Variants in FAM20A observed in about 807,000 individuals in gnomAD.
FAM20A encodes the protein FAM20A golgi associated secretory pathway pseudokinase, also known as pseudokinase FAM20A.
A neutral mutation model predicts 52.0 loss-of-function variants in FAM20A; 42 were observed. That is an observed-to-expected ratio of 0.81 (90% CI 0.63 to 1.04). The LOEUF is 1.04. FAM20A is among the 50% of genes least tolerant of loss of function. The pLI is 0.00. For synonymous variants in FAM20A, 304 were observed against 298.9 expected, an observed-to-expected ratio of 1.02 and a Z score of -0.18; for missense variants, 742 against 712.7, an observed-to-expected ratio of 1.04 and a Z score of -0.47.
chr17:68,572,904 G>A (rs1291132531), intron 1 of FAM20A, among the ~76,000 whole-genome samples: 2 of 152,078 alleles, frequency 1.3e-5, no homozygotes, highest in Non-Finnish European at 2.9e-5. Context: ...TCCAAACAAA[G>A]CTCTGAGGCA....
intron 1 of FAM20A, among the ~76,000 whole-genome samples, chr17:68,590,544 G>C (rs2088275607): frequency 6.6e-6 from 1 of 152,180 alleles, no homozygotes; most frequent in Non-Finnish European, 1.5e-5. Context: ...AAAGACCAAA[G>C]TCGCTTTAAA....
intron 1 of FAM20A, among the ~76,000 whole-genome samples, chr17:68,576,625 A>G (rs939479156): frequency 6.6e-6 from 1 of 152,116 alleles, no homozygotes; most frequent in Non-Finnish European, 1.5e-5. Flanking sequence ...CTCGCTGTAG[A>G]CACCTTTCAG....
intron 1 of FAM20A, among the ~76,000 whole-genome samples, chr17:68,563,310 C>CG (rs2087273289): frequency 1.3e-5 from 2 of 149,266 alleles, no homozygotes; most frequent in African/African-American, 4.9e-5. Context: ...TGCTTGAACT[C>CG]GGGAGGCGGG....
chr17:68,565,717 C>T (rs2087359092), intron 1 of FAM20A, among the ~76,000 whole-genome samples: 1 of 151,966 alleles, frequency 6.6e-6, no homozygotes, highest in Non-Finnish European at 1.5e-5. Context: ...TAATTTTCCC[C>T]TTTTTTTCTG....
At chr17:68,581,391 T>TTTC (rs1568774153) in intron 1 of FAM20A, among the ~76,000 whole-genome samples, 1 of 147,122 alleles carries the variant, frequency 6.8e-6, no homozygotes, top group Non-Finnish European at 1.5e-5. Context: ...TCTTTCTTTC[T>TTTC]TTCTTTCTTT....
chr17:68,571,452 CA>C (rs1413597765), intron 1 of FAM20A, among the ~76,000 whole-genome samples: 1 of 152,194 alleles, frequency 6.6e-6, no homozygotes, highest in African/African-American at 2.4e-5. Context: ...ATCCCTTGGA[CA>C]CAGGAATTGC....
At chr17:68,597,170 G>A (rs2088475840) in intron 1 of FAM20A, among the ~76,000 whole-genome samples, 1 of 151,406 alleles carries the variant, frequency 6.6e-6, no homozygotes, top group Non-Finnish European at 1.5e-5. Context: ...AATTGTGGAA[G>A]GATACTTTCT....
intron 1 of FAM20A, among the ~76,000 whole-genome samples, chr17:68,599,302 C>T (rs1483790788): frequency 1.3e-5 from 2 of 152,124 alleles, no homozygotes; most frequent in African/African-American, 4.8e-5. Context: ...CGATAGTGAA[C>T]TCTGCATGTG....
At chr17:68,559,118 A>G (rs1476328248) in intron 1 of FAM20A, among the ~76,000 whole-genome samples, 1 of 152,244 alleles carries the variant, frequency 6.6e-6, no homozygotes, top group East Asian at 1.9e-4. Context: ...TCTGACCTAT[A>G]GGACAAATGG....
intron 1 of FAM20A, among the ~76,000 whole-genome samples, chr17:68,592,113 A>G (rs2088330149): frequency 6.6e-6 from 1 of 150,892 alleles, no homozygotes; most frequent in African/African-American, 2.4e-5. Flanking sequence ...GACCCCAATT[A>G]CAAAACTTCT....
At chr17:68,552,480 G>T (rs949798491) in intron 3 of FAM20A, among the ~76,000 whole-genome samples, 7 of 152,040 alleles carry the variant, frequency 4.6e-5, no homozygotes, top group Non-Finnish European at 1.0e-4. Context: ...GCAAGTGAGT[G>T]CTTCTTAGGT....
At chr17:68,553,852 A>G (rs1024920572) in intron 3 of FAM20A, among the ~76,000 whole-genome samples, 5 of 149,622 alleles carry the variant, frequency 3.3e-5, no homozygotes, top group Non-Finnish European at 5.9e-5. Flanking sequence ...ACATTTATGC[A>G]TATATACATA....
At chr17:68,552,295 TGAA>T (rs1334057546) in intron 3 of FAM20A, among the ~76,000 whole-genome samples, 1 of 152,054 alleles carries the variant, frequency 6.6e-6, no homozygotes, top group Non-Finnish European at 1.5e-5. Flanking sequence ...AAAAATACAA[TGAA>T]GACATTTACT....
chr17:68,576,554 A>G (rs1179128449), intron 1 of FAM20A, among the ~76,000 whole-genome samples: 1 of 152,136 alleles, frequency 6.6e-6, no homozygotes, highest in Non-Finnish European at 1.5e-5. Context: ...CCTCCTCCCC[A>G]GGGAGAGAGA....
At chr17:68,552,376 T>C (rs1252732554) in intron 3 of FAM20A, among the ~76,000 whole-genome samples, 2 of 152,222 alleles carry the variant, frequency 1.3e-5, no homozygotes, top group Non-Finnish European at 2.9e-5. Flanking sequence ...ACTACATCTT[T>C]GTAGATTCTA....
chr17:68,540,687 T>C, intron 8 of FAM20A, 162 bp downstream of exon 8: 1 of 872,862 alleles, frequency 1.1e-6, no homozygotes. Flanking sequence ...GGGAGCCTGT[T>C]ACCTTCTGTC....
Position 68,535,197 on chromosome 17 carries a change from C to T in FAM20A, c.*2280G>A, listed in dbSNP as rs775081159. ...TGGAAGAACTCGAGTAAGAATGAAA[C>T]GGTTGGTTTTCTGATATTTTTGAGA... On this transcript the variant is annotated 3_prime_UTR_variant, in exon 11 of 11. Transcript: ENST00000592554. The T allele has an allele frequency of 1.3e-5, 6 of 444,588 alleles. No homozygotes were observed. The highest frequency in any genetic ancestry group is 2.4e-5 in the Admixed American group (1 of 41,912). The allele number at this position is 444,588 out of a possible 1,614,324, so 27.5% of individuals were successfully genotyped here.
At chr17:68,565,130 A>G (rs565867966) in intron 1 of FAM20A, among the ~76,000 whole-genome samples, 2 of 151,406 alleles carry the variant, frequency 1.3e-5, no homozygotes, top group East Asian at 3.9e-4. Flanking sequence ...TTGGGGATTG[A>G]GGTCAGGCCC....
In FAM20A at chr17:68,540,755, T is replaced by G; in HGVS notation, c.1219+94A>C. The G allele has an allele frequency of 2.0e-6, 3 of 1,476,604 alleles. No individual in the cohort carries two copies. The South Asian group carries it at 3.7e-5, about 18-fold the overall frequency. The allele number at this position is 1,476,604 out of a possible 1,614,324, so 91.5% of individuals were successfully genotyped here. A position where few individuals can be genotyped will look rare whatever the true frequency, so the allele number is the denominator to read the frequency against. The stretch of plus-strand genomic sequence containing the variant: ...GAGGTGCAGAGTTACTCAGTCCTCA[T>G]GAACCAGGTTGTAAGTTTGTGCTCA... On this transcript the variant is annotated intron_variant, in intron 8 of 10. Transcript: ENST00000592554.
Sources: allele counts gnomAD v4.1 joint callset (sites outside exome capture counted in the v4.1 genomes callset), GRCh38; gene constraint gnomAD v4.1.1; transcripts MANE v1.5; gene names NCBI Gene and HGNC (gene_info 2026-07-23, HGNC 2026-07-21).